ERC2: variants seen among roughly 807,000 people sequenced by gnomAD.
The protein encoded by ERC2 is ELKS/RAB6-interacting/CAST family member 2.
Under a neutral mutation model 114.8 loss-of-function variants are expected in ERC2, and 42 were observed. The ratio of observed to expected loss-of-function variants is 0.37; its 90% CI spans 0.29 to 0.47. The LOEUF is 0.47. Ranked by LOEUF, ERC2 falls within the 20% of genes least tolerant of loss-of-function variation. The pLI is 0.99. For missense variants in ERC2, 939 were observed against 1,150.7 expected, an observed-to-expected ratio of 0.82 and a Z score of 2.66; for synonymous variants, 454 against 425.5, an observed-to-expected ratio of 1.07 and a Z score of -0.82.
chr3:56,197,471 A>T (rs190712478), intron 3 of ERC2, among the ~76,000 whole-genome samples: 1 of 152,342 alleles, frequency 6.6e-6, no homozygotes, highest in Non-Finnish European at 1.5e-5. Context: ...ATTAGCCAGA[A>T]TTTAGTCACA....
At chr3:56,053,017 A>G (rs1441000269) in intron 7 of ERC2, among the ~76,000 whole-genome samples, 1 of 152,190 alleles carries the variant, frequency 6.6e-6, no homozygotes, top group Admixed American at 6.5e-5. Flanking sequence ...GAAGCTGAAC[A>G]CATGGCAAGC....
At chr3:56,186,598 C>A (rs2083634836) in intron 3 of ERC2, among the ~76,000 whole-genome samples, 2 of 152,282 alleles carry the variant, frequency 1.3e-5, no homozygotes, top group South Asian at 4.2e-4. Flanking sequence ...ATGGTGTGAT[C>A]TCAGCTCACT....
rs145155326 is a variant in ERC2 at position 56,289,724 on chromosome 3, G to A, written c.1074+6295C>T. ...TCCTGCCTTGAAGACTGGTTCTACC[G>A]TGGATGAAGCCAGTTGTCAGCTCTC... is the stretch of plus-strand genomic sequence containing the variant. On this transcript the variant is annotated intron_variant, in intron 3 of 17. Transcript: ENST00000288221. Among the ~76,000 whole-genome samples the A allele has an allele frequency of 1.8e-4, 27 of 152,272 alleles. 1 individual carries two copies. The East Asian group carries it at 1.9e-3, about 11-fold the overall frequency.
chr3:56,202,467 A>G (rs1384279088), intron 3 of ERC2, among the ~76,000 whole-genome samples: 1 of 151,172 alleles, frequency 6.6e-6, no homozygotes, highest in African/African-American at 2.4e-5. Flanking sequence ...GTTTGCAAAC[A>G]TAATAGGGTA....
At chr3:55,673,255 C>A (rs556691188) in intron 17 of ERC2, among the ~76,000 whole-genome samples, 10 of 152,312 alleles carry the variant, frequency 6.6e-5, no homozygotes, top group African/African-American at 2.4e-4. Context: ...AACAGGCTTG[C>A]CATGAGTTTC....
chr3:56,086,026 G>A (rs865961320), intron 6 of ERC2, among the ~76,000 whole-genome samples: 2 of 152,042 alleles, frequency 1.3e-5, no homozygotes, highest in Admixed American at 6.6e-5. Flanking sequence ...CTGTAATCAT[G>A]AGAGAGAGAG....
At chr3:56,020,599 A>G (rs1379713) in intron 7 of ERC2, among the ~76,000 whole-genome samples, 142,836 of 152,292 alleles carry the variant, frequency 0.94, 67,216 homozygotes, top group East Asian at 1. Flanking sequence ...TACTGGTTAT[A>G]TGGAAGAAGC....
chr3:56,355,519 C>T (rs929757596), intron 2 of ERC2, among the ~76,000 whole-genome samples: 1 of 151,958 alleles, frequency 6.6e-6, no homozygotes, highest in African/African-American at 2.4e-5. Flanking sequence ...CCCATGTTGC[C>T]CACACTGGTC....
In ERC2 at chr3:55,631,780, C is replaced by T. The variant is rs76649773; in HGVS notation, c.*39+52014G>A. ...GATTTTTATCACTCTCAAATCCACA[C>T]TGTTGGCTTCTAAGAGAATTCCACA... On this transcript the variant is annotated intron_variant, in intron 17 of 17. Coordinates refer to ENST00000288221, the MANE Select transcript of ERC2 (RefSeq NM_015576.3). Among the ~76,000 whole-genome samples the T allele has an allele frequency of 3.9e-5, 6 of 152,200 alleles. No individual in the cohort carries two copies. In the East Asian group the frequency reaches 9.6e-4, roughly 24 times the overall value.
chr3:55,730,750 C>T (rs2148910168), intron 15 of ERC2, among the ~76,000 whole-genome samples: 1 of 152,264 alleles, frequency 6.6e-6, no homozygotes, highest in South Asian at 2.1e-4. Flanking sequence ...GGCATGCCTG[C>T]TGAGGTGGGA....
intron 14 of ERC2, among the ~76,000 whole-genome samples, chr3:55,748,511 T>A (rs916168123): frequency 6.6e-6 from 1 of 152,182 alleles, no homozygotes; most frequent in East Asian, 1.9e-4. Flanking sequence ...TCCACAGTCA[T>A]GAGACAGACA....
At chr3:56,041,539 C>T (rs573099788) in intron 7 of ERC2, among the ~76,000 whole-genome samples, 133 of 152,292 alleles carry the variant, frequency 8.7e-4, no homozygotes, top group African/African-American at 3.1e-3. Context: ...TTCTCCTGTT[C>T]CACTCCTTTG....
At chr3:56,270,262 C>T (rs1400441643) in intron 3 of ERC2, among the ~76,000 whole-genome samples, 1 of 152,016 alleles carries the variant, frequency 6.6e-6, no homozygotes, top group Non-Finnish European at 1.5e-5. Flanking sequence ...GCCAGGCCTA[C>T]AGGCAGATCT....
chr3:55,934,970 G>A (rs1340125976), intron 13 of ERC2, among the ~76,000 whole-genome samples: 1 of 152,194 alleles, frequency 6.6e-6, no homozygotes, highest in Non-Finnish European at 1.5e-5. Flanking sequence ...TCCCATCTCT[G>A]TGCACATAAT....
chr3:56,276,930 G>T (rs1481473882), intron 3 of ERC2, among the ~76,000 whole-genome samples: 3 of 152,196 alleles, frequency 2.0e-5, no homozygotes, highest in African/African-American at 7.2e-5. Context: ...GCCACATGTG[G>T]CTTATGGGTT....
At chr3:56,330,197 C>A (rs2057545913) in intron 2 of ERC2, among the ~76,000 whole-genome samples, 1 of 152,002 alleles carries the variant, frequency 6.6e-6, no homozygotes, top group South Asian at 2.1e-4. Context: ...CCACAGCTGG[C>A]TAATTTTTGA....
intron 14 of ERC2, among the ~76,000 whole-genome samples, chr3:55,865,611 CCT>C (rs1315691927): frequency 6.6e-6 from 1 of 152,006 alleles, no homozygotes; most frequent in Non-Finnish European, 1.5e-5. Context: ...TTACCAGTCA[CCT>C]CTCTCACTCT....
At chr3:55,970,060 T>C (rs2069046531) in intron 12 of ERC2, among the ~76,000 whole-genome samples, 1 of 152,180 alleles carries the variant, frequency 6.6e-6, no homozygotes, top group Admixed American at 6.5e-5. Context: ...TTCATATAAA[T>C]GGCCGCATGT....
At chr3:55,920,446 A>ACACACCC (rs57638674) in intron 13 of ERC2, among the ~76,000 whole-genome samples, 46 of 145,546 alleles carry the variant, frequency 3.2e-4, no homozygotes, top group Middle Eastern at 3.5e-3. Context: ...ACACACACAC[A>ACACACCC]CCCCAAGTGA....
Sources: allele counts gnomAD v4.1 joint callset (sites outside exome capture counted in the v4.1 genomes callset), GRCh38; gene constraint gnomAD v4.1.1; transcripts MANE v1.5; gene names NCBI Gene and HGNC (gene_info 2026-07-23, HGNC 2026-07-21).